The following CCDC183 variants were observed in gnomAD, a reference collection of about 807,000 sequenced individuals.
CCDC183 encodes the protein coiled-coil domain containing 183, also known as coiled-coil domain-containing protein 183.
Under a neutral mutation model 65.2 loss-of-function variants are expected in CCDC183, and 63 were observed. The observed-to-expected ratio is 0.97, with a 90% CI of 0.79 to 1.19. The LOEUF (loss-of-function observed/expected upper bound fraction) is 1.19. Ranked by LOEUF, CCDC183 falls within the 50% of genes most tolerant of loss-of-function variation. CCDC183 has a pLI of 0.00. For missense variants in CCDC183, 769 were observed against 689.3 expected, an observed-to-expected ratio of 1.12 and a Z score of -1.30; for synonymous variants, 323 against 276.5, an observed-to-expected ratio of 1.17 and a Z score of -1.67.
chr9:136,805,581 C>T (rs1847829646), intron 9 of CCDC183, 124 bp downstream of exon 9: 3 of 810,770 alleles, frequency 3.7e-6, no homozygotes, highest in African/African-American at 3.4e-5. Flanking sequence ...GGGTCTGAGG[C>T]ACTCTGAAAT....
rs1428836450 is a variant in CCDC183 at position 136,804,676 on chromosome 9, G to A, written c.792+49G>A. 1.2e-6 allele frequency: 2 copies of A among 1,612,874 alleles called. No individual in the cohort carries two copies. Among genetic ancestry groups the A allele is most frequent in the Non-Finnish European group, 1.7e-6 (2 of 1,179,450 alleles). On this transcript the variant is annotated intron_variant, in intron 7 of 13. Coordinates refer to ENST00000338005, the MANE Select transcript of CCDC183 (RefSeq NM_001039374.5). This position sits in a 1 kb window ranked among gnomAD's most constrained non-coding sequence, Gnocchi z 4.1. The stretch of plus-strand genomic sequence containing the variant: ...CTGGCTGCCCATCCCCATGACAGCT[G>A]GGTGGACACAGGCTCAGGGCCACCA...
Position 136,805,387 on chromosome 9 carries a change from T to G in CCDC183, c.878T>G (p.Met293Arg), listed in dbSNP as rs191696565. The G allele has an allele frequency of 4.3e-6, 7 of 1,613,706 alleles. No homozygotes were observed. In the East Asian group the frequency reaches 6.7e-5, roughly 15 times the overall value. Residue 293 changes from methionine (M) to arginine (R), a missense_variant, in exon 9 of 14, where the codon ATG becomes AGG. Met to Arg is a moderately conservative substitution (Grantham distance 91, BLOSUM62 -1). Transcript: ENST00000338005. ...LRRKETSTAEMEYQSGVTAVV... is the reference protein window; with the variant it reads ...LRRKETSTAEREYQSGVTAVV... ...AGAAAAGAGACCTCCACAGCAGAAA[T>G]GGAATACCAGTCGGGCGTGACTGCT... is the stretch of plus-strand genomic sequence containing the variant.
chr9:136,807,588 C>T lies in CCDC183; in HGVS notation c.1503C>T (p.Pro501=), dbSNP rs760372605. 5 of 1,604,692 alleles carry T rather than the reference C, an allele frequency of 3.1e-6. No homozygotes were observed. The highest frequency in any genetic ancestry group is 2.2e-5 in the South Asian group (2 of 89,826). Residue 501 remains proline (P), a synonymous_variant, in exon 14 of 14, where the codon CCC becomes CCT. Transcript: ENST00000338005. ...EEDMIDTFQF[P]DMDHSYVPSR... Reference sequence around the variant, plus strand: ...CGCCCGCAGACACCTTCCAGTTCCCCGACATGGACCACAGCTACGTCCCTT... The same window carrying T: ...CGCCCGCAGACACCTTCCAGTTCCCTGACATGGACCACAGCTACGTCCCTT...
intron 5 of CCDC183, among the ~76,000 whole-genome samples, chr9:136,801,085 C>T (rs1805791823): frequency 6.6e-6 from 1 of 152,234 alleles, no homozygotes; most frequent in Non-Finnish European, 1.5e-5. Context: ...AACACCCTCA[C>T]CCTAAGACTG....
rs770861059 is a variant in CCDC183 at position 136,805,429 on chromosome 9, A to G, written c.920A>G (p.Lys307Arg). 5.0e-6 allele frequency: 8 copies of G among 1,613,968 alleles called. No individual in the cohort carries two copies. The East Asian group carries it at 1.3e-4, about 27-fold the overall frequency. ...SGVTAVVEKV[K>R]SAVRCSHVWD... The stretch of plus-strand genomic sequence containing the variant: ...GTGACTGCTGTGGTGGAGAAGGTCA[A>G]GAGTGCTGTACGGTGCTCTCACGTC... Residue 307 changes from lysine to arginine, a missense_variant, in exon 9 of 14, where the codon AAG becomes AGG. Lys to Arg is a conservative substitution (Grantham distance 26). Transcript: ENST00000338005.
In CCDC183 at chr9:136,796,432, A is replaced by T; in HGVS notation, c.35A>T (p.Gln12Leu). 6.3e-7 allele frequency: 1 copy of T among 1,582,240 alleles called. No homozygotes were observed. ...RRHSETDVEE[Q>L]TQELKTITQL... is the part of the protein sequence containing the mutation. ...CACAGTGAGACAGATGTGGAAGAGC[A>T]GACCCAGGAGCTGAAGACCATCACT... Residue 12 changes from glutamine (Q) to leucine (L), a missense_variant, in exon 1 of 14, where the codon CAG becomes CTG. Transcript: ENST00000338005.
In CCDC183 at chr9:136,802,675, A is replaced by C. The variant is rs768364677; in HGVS notation, c.555A>C (p.Gly185=). 6.2e-7 allele frequency: 1 copy of C among 1,612,150 alleles called. No individual in the cohort carries two copies. Among genetic ancestry groups the C allele is most frequent in the Non-Finnish European group, 8.5e-7 (1 of 1,179,250 alleles). The change falls in exon 6 of 14, where the codon GGA becomes GGC. Residue 185 remains glycine (G), a synonymous_variant. Transcript: ENST00000338005. ...CCCATTCAACACAGGTGCTGGCAGG[A>C]TACCCCATTGAGCTGGACAAGCTGC... is the stretch of plus-strand genomic sequence containing the variant. The part of the protein sequence containing the change: ...LLDYLKTVLA[G]YPIELDKLQN...
At chr9:136,799,078 T>C (rs1433042939) in intron 1 of CCDC183, 24 bp from the exon 2 acceptor site, 1 of 1,611,990 alleles carries the variant, frequency 6.2e-7, no homozygotes, top group Non-Finnish European at 8.5e-7. Context: ...TCCTAGCCAC[T>C]GTGTCCCCTC....
Position 136,804,664 on chromosome 9 carries a change from C to T in CCDC183, c.792+37C>T, listed in dbSNP as rs1315460401. On this transcript the variant is annotated intron_variant, in intron 7 of 13. Coordinates refer to ENST00000338005, the MANE Select transcript of CCDC183 (RefSeq NM_001039374.5). This position sits in a 1 kb window ranked among gnomAD's most constrained non-coding sequence, Gnocchi z 4.1. ...GCCAGGGCCTGGCTGGCTGCCCATCCCCATGACAGCTGGGTGGACACAGGC... is the reference window on the plus strand; with the variant it reads ...GCCAGGGCCTGGCTGGCTGCCCATCTCCATGACAGCTGGGTGGACACAGGC... 1.2e-6 allele frequency: 2 copies of T among 1,613,028 alleles called. No individual in the cohort carries two copies. The highest frequency in any genetic ancestry group is 8.5e-7 in the Non-Finnish European group (1 of 1,179,456).
chr9:136,800,234 G>A (rs370972006), intron 4 of CCDC183, 65 bp downstream of exon 4: 9 of 1,338,306 alleles, frequency 6.7e-6, no homozygotes, highest in South Asian at 2.8e-5. Flanking sequence ...GGAGGGGCGG[G>A]GCCACCGGGG....
chr9:136,800,441 C>A lies in CCDC183; in HGVS notation c.491C>A (p.Thr164Asn). 1.2e-6 allele frequency: 2 copies of A among 1,613,106 alleles called. No individual in the cohort carries two copies. The highest frequency in any genetic ancestry group is 1.7e-6 in the Non-Finnish European group (2 of 1,179,594). Residue 164 changes from threonine (T) to asparagine (N), a missense_variant, in exon 5 of 14, where the codon ACC (threonine) becomes AAC (asparagine). Transcript: ENST00000338005. The part of the protein sequence containing the change: ...NIEKTMIKII[T>N]SQNIHLLYLD... ...GAGAAGACAATGATCAAGATCATCA[C>A]CAGCCAGAACATCCACCTGCTGTAT...
In CCDC183 at chr9:136,805,920, G is replaced by A. The variant is rs954472009; in HGVS notation, c.949-158G>A. On this transcript the variant is annotated intron_variant, in intron 9 of 13. Transcript: ENST00000338005. Reference sequence around the variant, plus strand: ...GAGGTGGGAGGATCGCTTGAGTCTGGGAGGTTGAGGCTGCAGTGAGCTGTG... The same window carrying A: ...GAGGTGGGAGGATCGCTTGAGTCTGAGAGGTTGAGGCTGCAGTGAGCTGTG... The A allele has an allele frequency of 6.3e-6, 4 of 636,236 alleles. No individual in the cohort carries two copies. The African/African-American group carries it at 7.4e-5, about 12-fold the overall frequency. 39.4% of individuals were successfully genotyped at this position (636,236 alleles called of 1,614,324 possible). A position where few individuals can be genotyped will look rare whatever the true frequency, so the allele number is the denominator to read the frequency against.
intron 5 of CCDC183, among the ~76,000 whole-genome samples, chr9:136,800,906 C>CA (rs1847728445): frequency 6.6e-6 from 1 of 152,204 alleles, no homozygotes; most frequent in Non-Finnish European, 1.5e-5. Flanking sequence ...CAGACGAGGC[C>CA]AAAGGCAGCC....
chr9:136,799,294 G>A, intron 2 of CCDC183, 71 bp downstream of exon 2: 1 of 1,514,000 alleles, frequency 6.6e-7, no homozygotes, highest in African/African-American at 1.4e-5. Flanking sequence ...CACTCGGAGG[G>A]CGGGCACCTC....
chr9:136,806,982 G>A lies in CCDC183; in HGVS notation c.1402G>A (p.Val468Met), dbSNP rs904965210. 1.2e-6 allele frequency: 2 copies of A among 1,613,736 alleles called. No individual in the cohort carries two copies. The highest frequency in any genetic ancestry group is 1.7e-6 in the Non-Finnish European group (2 of 1,180,036). ...CTTTGCCCTGCAGGGCGACACAAAG[G>A]TGAGGGACACCCTGGAGTCCTCGAC... ...VSRTEEGDTK[V>M]RDTLESSTLM... The change falls in exon 13 of 14, where the codon GTG becomes ATG. Residue 468 changes from valine to methionine, a missense_variant. Val to Met is a conservative substitution (Grantham distance 21, BLOSUM62 1). Transcript: ENST00000338005.
At chr9:136,806,440 G>A in intron 10 of CCDC183, 64 bp from the exon 11 acceptor site, 1 of 1,596,352 alleles carries the variant, frequency 6.3e-7, no homozygotes, top group Non-Finnish European at 8.6e-7. Context: ...CTGGGCTCCT[G>A]GGTGGCCCAC....
intron 9 of CCDC183, among the ~76,000 whole-genome samples, chr9:136,805,776 C>T (rs1330700843): frequency 6.6e-6 from 1 of 152,180 alleles, no homozygotes; most frequent in Non-Finnish European, 1.5e-5. Flanking sequence ...CTTATCTCTA[C>T]ATGGGGTTAT....
At chr9:136,805,556 G>T in intron 9 of CCDC183, 99 bp downstream of exon 9, 4 of 1,083,208 alleles carry the variant, frequency 3.7e-6, no homozygotes, top group Non-Finnish European at 5.5e-6. Context: ...GCAGGAGGGT[G>T]GCTGAGCTGG....
Position 136,799,213 on chromosome 9 carries a change from T to C in CCDC183, c.182T>C (p.Leu61Ser). ...CGCCGCGGGGCCCAGGACTGGGCTT[T>C]GGCCAAGAAGGTACACAAACGCCGC... is the stretch of plus-strand genomic sequence containing the variant. ...NIRRGAQDWALAKKYDQWTIS... is the reference protein window; with the variant it reads ...NIRRGAQDWASAKKYDQWTIS... Residue 61 changes from leucine (L) to serine (S), a missense_variant, in exon 2 of 14, where the codon TTG (leucine) becomes TCG (serine). By Grantham distance (145) the Leu-to-Ser change is moderately radical. Transcript: ENST00000338005. 1 of 1,603,846 alleles carries C rather than the reference T, an allele frequency of 6.2e-7. No individual in the cohort carries two copies.
Sources: gnomAD v4.1 joint callset for allele counts (sites outside exome capture counted in the v4.1 genomes callset) on GRCh38, gnomAD v4.1.1 for gene constraint, Gnocchi (gnomAD v3.1) non-coding constraint, MANE v1.5 for transcripts, NCBI Gene and HGNC (gene_info 2026-07-23, HGNC 2026-07-21) for gene names.